The following FAM83F variants were observed in gnomAD, a reference collection of about 807,000 sequenced individuals.
The protein encoded by FAM83F is scaffolding CK1 anchoring protein F.
Under a neutral mutation model 42.9 loss-of-function variants are expected in FAM83F, and 45 were observed. The observed-to-expected ratio is 1.05, with a 90% CI of 0.83 to 1.35. The LOEUF is 1.35. Among genes scored for constraint, FAM83F ranks in the 40% most tolerant of loss-of-function variants. FAM83F has a pLI of 0.00. For synonymous variants in FAM83F, 306 were observed against 298.3 expected, an observed-to-expected ratio of 1.03 and a Z score of -0.27; for missense variants, 617 against 695.9, an observed-to-expected ratio of 0.89 and a Z score of 1.28.
At chr22:40,016,177 T>A (rs2067491259) in intron 1 of FAM83F, among the ~76,000 whole-genome samples, 1 of 149,032 alleles carries the variant, frequency 6.7e-6, no homozygotes, top group Non-Finnish European at 1.5e-5. Flanking sequence ...TGTCAGTGAT[T>A]GACTATACGT....
Position 40,021,537 on chromosome 22 carries a change from T to C in FAM83F, c.1027T>C (p.Trp343Arg), listed in dbSNP as rs1417899874. The C allele has an allele frequency of 3.2e-6, 5 of 1,567,216 alleles. No homozygotes were observed. The highest frequency in any genetic ancestry group is 4.3e-6 in the Non-Finnish European group (5 of 1,151,690). ...CRHPPGEMMR[W>R]AARQQREAGG... ...CCACCCGCCTGGGGAGATGATGCGC[T>C]GGGCTGCCCGGCAACAGCGGGAGGC... The change falls in exon 4 of 5, where the codon TGG (tryptophan) becomes CGG (arginine). Residue 343 changes from tryptophan to arginine, a missense_variant. Coordinates refer to ENST00000333407, the MANE Select transcript of FAM83F (RefSeq NM_138435.4). The surrounding 1 kb of genome is among the most constrained non-coding windows in gnomAD (Gnocchi z 8.7).
rs572446617 is a variant in FAM83F, at chr22:40,038,984, A to C, written c.*9419A>C. 1 of 152,352 alleles carries C rather than the reference A, an allele frequency of 6.6e-6. No individual in the cohort carries two copies. Among genetic ancestry groups the C allele is most frequent in the East Asian group, 1.9e-4 (1 of 5,192 alleles). The allele number at this position is 152,352 out of a possible 1,614,324, so 9.4% of individuals were successfully genotyped here. ...CTCAGAAAGTTACTATGAGGACTGA[A>C]TAAGCTCATACATATACAATGCTTG... On this transcript the variant is annotated 3_prime_UTR_variant, in exon 5 of 5. Transcript: ENST00000333407.
At chr22:40,022,047 C>G (rs1245883439) in intron 4 of FAM83F, 84 bp downstream of exon 4, 1 of 1,203,608 alleles carries the variant, frequency 8.3e-7, no homozygotes, top group Non-Finnish European at 1.1e-6. Context: ...AGCACTGCCT[C>G]ATACCTGCAG....
chr22:39,995,003 G>GCGGGGCCGGGGCCAGGGC lies in FAM83F; in HGVS notation c.-26_-9dup, dbSNP rs1229339322. ...TGCGGCTGTGGGACCTCGGACCGCG[G>GCGGGGCCGGGGCCAGGGC]CGGGGCCGGGGCCAGGGCCGGGGCC... is the stretch of plus-strand genomic sequence containing the variant. On this transcript the variant is annotated 5_prime_UTR_variant, in exon 1 of 5. Coordinates refer to ENST00000333407, the MANE Select transcript of FAM83F (RefSeq NM_138435.4). The surrounding 1 kb of genome is among the most constrained non-coding windows in gnomAD (Gnocchi z 4.6). 33 of 1,209,254 alleles carry GCGGGGCCGGGGCCAGGGC rather than the reference G, an allele frequency of 2.7e-5. No homozygotes were observed. Among genetic ancestry groups the GCGGGGCCGGGGCCAGGGC allele is most frequent in the East Asian group, 3.2e-5 (1 of 30,966 alleles). 74.9% of individuals were successfully genotyped at this position (1,209,254 alleles called of 1,614,324 possible). A position where few individuals can be genotyped will look rare whatever the true frequency, so the allele number is the denominator to read the frequency against.
At chr22:40,001,525 A>T (rs1350721542) in intron 1 of FAM83F, among the ~76,000 whole-genome samples, 2 of 152,072 alleles carry the variant, frequency 1.3e-5, no homozygotes, top group Non-Finnish European at 2.9e-5. Flanking sequence ...TGTAATCCCA[A>T]CTACTCTGGA....
At chr22:40,017,144 G>A (rs745913500) in intron 1 of FAM83F, among the ~76,000 whole-genome samples, 50 of 152,116 alleles carry the variant, frequency 3.3e-4, no homozygotes, top group Non-Finnish European at 6.8e-4. Flanking sequence ...TGATGGCAGA[G>A]CACACATGTG....
At position 40,021,614 on chromosome 22, in the gene FAM83F, C is replaced by T. The variant is rs2067522381; in HGVS notation, c.1104C>T (p.Ala368=). Residue 368 remains alanine (A), a synonymous_variant, in exon 4 of 5, where the codon GCC becomes GCT. Transcript: ENST00000333407. This position sits in a 1 kb window ranked among gnomAD's most constrained non-coding sequence, Gnocchi z 8.7. ...QEEGASGGES[A]WRLESFLKDL... ...AGGGCGCCAGCGGTGGCGAGTCGGC[C>T]TGGCGCCTGGAGAGCTTCCTGAAAG... 1 of 1,586,140 alleles carries T rather than the reference C, an allele frequency of 6.3e-7. No homozygotes were observed. The highest frequency in any genetic ancestry group is 8.6e-7 in the Non-Finnish European group (1 of 1,161,086).
chr22:40,002,550 C>T (rs1427522626), intron 1 of FAM83F, among the ~76,000 whole-genome samples: 2 of 152,138 alleles, frequency 1.3e-5, no homozygotes, highest in Admixed American at 6.6e-5. Context: ...CTCCAAAAGT[C>T]CAGGCCACTG....
chr22:40,008,031 C>T (rs116222942), intron 1 of FAM83F, among the ~76,000 whole-genome samples: 1,526 of 152,344 alleles, frequency 0.01, 11 homozygotes, highest in African/African-American at 0.019. Context: ...CCGTGCATTG[C>T]GACATTCAGC....
At chr22:40,017,097 T>C (rs908065945) in intron 1 of FAM83F, among the ~76,000 whole-genome samples, 22 of 152,148 alleles carry the variant, frequency 1.4e-4, no homozygotes, top group African/African-American at 5.3e-4. Context: ...TAAATGGTAT[T>C]GTGTAGGGCA....
intron 1 of FAM83F, among the ~76,000 whole-genome samples, chr22:39,997,291 CT>C (rs1414733678): frequency 1.3e-5 from 2 of 152,222 alleles, no homozygotes; most frequent in Non-Finnish European, 1.5e-5. Flanking sequence ...ACCCCTGTTA[CT>C]AGAAGGGGGA....
At position 40,028,221 on chromosome 22, in the gene FAM83F, G is replaced by C. The variant is rs142496009; in HGVS notation, c.1454-1295G>C. 1.2e-3 allele frequency among the ~76,000 whole-genome samples: 189 copies of C among 152,348 alleles called. 1 individual carries two copies. The highest frequency in any genetic ancestry group is 4.4e-3 in the African/African-American group (183 of 41,596). Reference sequence around the variant, plus strand: ...AGCTGGATTTGTGGTCAGTCCTGAAGAGCTCGTTCAGTCTGCCTGGATGGA... The same window carrying C: ...AGCTGGATTTGTGGTCAGTCCTGAACAGCTCGTTCAGTCTGCCTGGATGGA... On this transcript the variant is annotated intron_variant, in intron 4 of 4. Coordinates refer to ENST00000333407, the MANE Select transcript of FAM83F (RefSeq NM_138435.4).
Position 40,021,251 on chromosome 22 carries a change from G to A in FAM83F, c.780-39G>A, listed in dbSNP as rs775799889. On this transcript the variant is annotated intron_variant, in intron 3 of 4. Coordinates refer to ENST00000333407, the MANE Select transcript of FAM83F (RefSeq NM_138435.4). The surrounding 1 kb of genome is among the most constrained non-coding windows in gnomAD (Gnocchi z 8.7). ...CGGGGGCAGGGCAAGAGAGAGGCCT[G>A]GGCACATGTGTCTTGCTTTTCTGTC... is the stretch of plus-strand genomic sequence containing the variant. 6.6e-7 allele frequency: 1 copy of A among 1,517,112 alleles called. No homozygotes were observed. Among genetic ancestry groups the A allele is most frequent in the African/African-American group, 1.4e-5 (1 of 72,324 alleles). The allele number at this position is 1,517,112 out of a possible 1,614,324, so 94.0% of individuals were successfully genotyped here. A position where few individuals can be genotyped will look rare whatever the true frequency, so the allele number is the denominator to read the frequency against.
intron 1 of FAM83F, among the ~76,000 whole-genome samples, chr22:40,011,617 A>G (rs558662472): frequency 1.3e-5 from 2 of 152,312 alleles, no homozygotes; most frequent in Admixed American, 1.3e-4. Flanking sequence ...GTATTAGGCT[A>G]TAGATCTCAC....
At chr22:40,016,395 T>G (rs1006613721) in intron 1 of FAM83F, among the ~76,000 whole-genome samples, 2 of 151,766 alleles carry the variant, frequency 1.3e-5, no homozygotes, top group Non-Finnish European at 2.9e-5. Flanking sequence ...GATAGGGTTT[T>G]GCCATGTTGC....
intron 1 of FAM83F, among the ~76,000 whole-genome samples, chr22:40,001,410 G>C: frequency 6.6e-6 from 1 of 152,254 alleles, no homozygotes; most frequent in South Asian, 2.1e-4. Flanking sequence ...AGGCCGAGGC[G>C]GGCAGATCGC....
At chr22:39,999,080 T>C (rs3021274) in intron 1 of FAM83F, 85,710 of 152,112 alleles carry the variant, frequency 0.56, 24,996 homozygotes, top group African/African-American at 0.67. Flanking sequence ...AAGCATACTT[T>C]AGTGGAAAGC....
At chr22:40,016,785 T>G (rs1569233470) in intron 1 of FAM83F, among the ~76,000 whole-genome samples, 1 of 152,064 alleles carries the variant, frequency 6.6e-6, no homozygotes, top group Non-Finnish European at 1.5e-5. Context: ...TGCTTCAGCC[T>G]CCTGAGTAGC....
At chr22:40,009,324 G>GA (rs1184708576) in intron 1 of FAM83F, among the ~76,000 whole-genome samples, 2 of 152,160 alleles carry the variant, frequency 1.3e-5, no homozygotes, top group African/African-American at 4.8e-5. Context: ...CAGAAGGGGT[G>GA]AAGCTGGGGC....
Sources: allele counts gnomAD v4.1 joint callset (sites outside exome capture counted in the v4.1 genomes callset), GRCh38; gene constraint gnomAD v4.1.1; non-coding constraint Gnocchi (gnomAD v3.1); transcripts MANE v1.5; gene names NCBI Gene and HGNC (gene_info 2026-07-23, HGNC 2026-07-21).